The following TOX variants were observed in gnomAD, a reference collection of about 807,000 sequenced individuals.
TOX encodes the protein thymocyte selection associated high mobility group box.
Under a neutral mutation model 53.7 loss-of-function variants are expected in TOX, and 11 were observed. The observed-to-expected ratio is 0.20, with a 90% CI of 0.13 to 0.34. The LOEUF is 0.34. Among genes scored for constraint, TOX ranks in the 10% least tolerant of loss-of-function variants. The pLI, the probability that TOX is intolerant of heterozygous loss-of-function variation, is 1.00. For synonymous variants in TOX, 225 were observed against 245.3 expected, an observed-to-expected ratio of 0.92 and a Z score of 0.77; for missense variants, 570 against 664.6, an observed-to-expected ratio of 0.86 and a Z score of 1.56.
chr8:58,814,845 T>C (rs1281329178), intron 7 of TOX, among the ~76,000 whole-genome samples: 1 of 152,202 alleles, frequency 6.6e-6, no homozygotes, highest in Non-Finnish European at 1.5e-5. Context: ...TCTTAGGACT[T>C]TCAGGGTTCT....
intron 1 of TOX, among the ~76,000 whole-genome samples, chr8:59,049,649 A>G (rs1803754519): frequency 6.6e-6 from 1 of 152,090 alleles, no homozygotes; most frequent in South Asian, 2.1e-4. Flanking sequence ...CATTTTTTCT[A>G]ATCTATAAAT....
intron 1 of TOX, among the ~76,000 whole-genome samples, chr8:58,977,181 A>T (rs1048639436): frequency 3.3e-5 from 5 of 152,212 alleles, no homozygotes; most frequent in Non-Finnish European, 7.3e-5. Context: ...AGTTCTTCTG[A>T]ATAACTTACT....
Position 58,973,165 on chromosome 8 carries a change from C to A in TOX, c.103-13157G>T, listed in dbSNP as rs570789438. ...CTCAGAAAGTGATATAGTACCTATT[C>A]CCCATTCTACATAATGCAGGCAACA... is the stretch of plus-strand genomic sequence containing the variant. On this transcript the variant is annotated intron_variant, in intron 1 of 8. Coordinates refer to ENST00000361421, the MANE Select transcript of TOX (RefSeq NM_014729.3). Among the ~76,000 whole-genome samples, 4 of 152,256 alleles carry A rather than the reference C, an allele frequency of 2.6e-5. No homozygotes were observed. The South Asian group carries it at 8.3e-4, about 32-fold the overall frequency.
Position 58,903,286 on chromosome 8 carries a change from G to T in TOX, c.411+36016C>A, listed in dbSNP as rs1483985055. Among the ~76,000 whole-genome samples the T allele has an allele frequency of 2.0e-5, 3 of 152,160 alleles. No homozygotes were observed. In the East Asian group the frequency reaches 5.8e-4, roughly 29 times the overall value. On this transcript the variant is annotated intron_variant, in intron 3 of 8. Transcript: ENST00000361421. ...ATATTACAAATGTGTAGTGGACTCT[G>T]TTGTTTTAGGTTGGTTGTTAAAATT...
chr8:59,010,676 T>A (rs1455824366), intron 1 of TOX, among the ~76,000 whole-genome samples: 2 of 152,232 alleles, frequency 1.3e-5, no homozygotes, highest in African/African-American at 4.8e-5. Flanking sequence ...ACCTACCACA[T>A]AGTGTTATCA....
intron 2 of TOX, among the ~76,000 whole-genome samples, chr8:58,958,183 C>T (rs1812742334): frequency 6.6e-6 from 1 of 152,114 alleles, no homozygotes; most frequent in Admixed American, 6.5e-5. Flanking sequence ...GTATCCAAAA[C>T]ATTCTTAGTA....
chr8:58,839,795 T>C (rs1810613612), intron 4 of TOX, among the ~76,000 whole-genome samples: 2 of 152,318 alleles, frequency 1.3e-5, no homozygotes, highest in East Asian at 3.9e-4. Flanking sequence ...AATTCCTAGA[T>C]GGGATATTTG....
intron 3 of TOX, among the ~76,000 whole-genome samples, chr8:58,896,202 A>C (rs2129172329): frequency 6.6e-6 from 1 of 152,234 alleles, no homozygotes; most frequent in South Asian, 2.1e-4. Context: ...TGGCCAGCCC[A>C]CATGGAGGTT....
At chr8:58,868,863 A>T (rs1196098944) in intron 3 of TOX, among the ~76,000 whole-genome samples, 1 of 129,960 alleles carries the variant, frequency 7.7e-6, no homozygotes. Context: ...GGAAAAGAAC[A>T]GGAAAAAAAA....
At chr8:58,853,363 G>C (rs1364829575) in intron 3 of TOX, among the ~76,000 whole-genome samples, 2 of 152,140 alleles carry the variant, frequency 1.3e-5, no homozygotes, top group African/African-American at 4.8e-5. Flanking sequence ...TCATAAAGCA[G>C]CTTTTACTAT....
intron 1 of TOX, among the ~76,000 whole-genome samples, chr8:58,994,907 C>T (rs1813530598): frequency 6.6e-6 from 1 of 152,196 alleles, no homozygotes; most frequent in East Asian, 1.9e-4. Context: ...CAACTTCCTT[C>T]TCATGGTCTA....
chr8:58,901,438 G>T (rs1585889983), intron 3 of TOX, among the ~76,000 whole-genome samples: 1 of 152,150 alleles, frequency 6.6e-6, no homozygotes, highest in Admixed American at 6.5e-5. Context: ...ACATTAAGGT[G>T]AAGAGAATAA....
At chr8:58,929,882 T>A (rs2129175606) in intron 3 of TOX, among the ~76,000 whole-genome samples, 1 of 152,302 alleles carries the variant, frequency 6.6e-6, no homozygotes, top group African/African-American at 2.4e-5. Context: ...TTAGAAGTCT[T>A]GTAATTTTAC....
chr8:59,062,976 T>C (rs1804014668), intron 1 of TOX, among the ~76,000 whole-genome samples: 1 of 152,194 alleles, frequency 6.6e-6, no homozygotes, highest in Non-Finnish European at 1.5e-5. Flanking sequence ...TCTTTCATAG[T>C]GAAGAAAAAA....
intron 1 of TOX, among the ~76,000 whole-genome samples, chr8:58,965,460 C>A (rs745807562): frequency 1.3e-5 from 2 of 151,854 alleles, no homozygotes; most frequent in Non-Finnish European, 2.9e-5. Context: ...CTGAACATAG[C>A]GAATGACGAG....
chr8:58,847,426 A>T (rs2129167788), intron 4 of TOX, among the ~76,000 whole-genome samples: 1 of 152,252 alleles, frequency 6.6e-6, no homozygotes, highest in East Asian at 1.9e-4. Context: ...ATTGCAATAG[A>T]CCATTTCAGA....
chr8:58,946,931 A>G (rs1489849971), intron 2 of TOX, among the ~76,000 whole-genome samples: 1 of 152,204 alleles, frequency 6.6e-6, no homozygotes, highest in Non-Finnish European at 1.5e-5. Context: ...CTGGCAAATT[A>G]TAGGTGATAC....
At chr8:59,056,072 T>G (rs539308356) in intron 1 of TOX, among the ~76,000 whole-genome samples, 1 of 151,874 alleles carries the variant, frequency 6.6e-6, no homozygotes, top group Middle Eastern at 3.2e-3. Flanking sequence ...CCATAAAAGG[T>G]AGTAAAAAAT....
intron 5 of TOX, among the ~76,000 whole-genome samples, chr8:58,835,161 A>G (rs1319006558): frequency 6.6e-6 from 1 of 152,218 alleles, no homozygotes; most frequent in African/African-American, 2.4e-5. Context: ...TTTATCCTTT[A>G]TAAAATGAAT....
Sources: gnomAD v4.1 joint callset for allele counts (sites outside exome capture counted in the v4.1 genomes callset) on GRCh38, gnomAD v4.1.1 for gene constraint, MANE v1.5 for transcripts, NCBI Gene and HGNC (gene_info 2026-07-23, HGNC 2026-07-21) for gene names.